Variants in ESRRG observed in about 807,000 individuals in gnomAD.
The protein encoded by ESRRG is estrogen-related receptor gamma.
A neutral mutation model predicts 44.0 loss-of-function variants in ESRRG; 13 were observed. That is an observed-to-expected ratio of 0.30 (90% CI 0.19 to 0.47). The LOEUF (loss-of-function observed/expected upper bound fraction) is 0.47. ESRRG is among the 20% of genes least tolerant of loss of function. The pLI is 1.00. For missense variants in ESRRG, 395 were observed against 580.6 expected (o/e 0.68, Z 3.29); for synonymous variants, 215 against 214.6 (o/e 1.00, Z -0.02).
intron 1 of ESRRG, among the ~76,000 whole-genome samples, chr1:216,957,840 G>C (rs960513614): frequency 6.6e-6 from 1 of 152,118 alleles, no homozygotes; most frequent in South Asian, 2.1e-4. Context: ...CAGATTTTAG[G>C]AGTAAAGTTT....
intron 4 of ESRRG, among the ~76,000 whole-genome samples, chr1:216,565,853 G>T (rs1448892637): frequency 6.6e-6 from 1 of 151,990 alleles, no homozygotes; most frequent in Non-Finnish European, 1.5e-5. Context: ...GTTATGCTTG[G>T]AAAAGTTTCA....
intron 1 of ESRRG, among the ~76,000 whole-genome samples, chr1:217,009,683 T>C (rs2150765703): frequency 6.6e-6 from 1 of 151,286 alleles, no homozygotes; most frequent in East Asian, 1.9e-4. Context: ...CCATTGAGTA[T>C]AGTTTCCTTT....
chr1:216,564,588 G>T (rs1161263764), intron 4 of ESRRG, among the ~76,000 whole-genome samples: 2 of 147,266 alleles, frequency 1.4e-5, no homozygotes, highest in Admixed American at 1.3e-4. Flanking sequence ...ATAGAATGTA[G>T]TCTTTTTTTT....
chr1:216,827,162 G>A (rs1043146036), intron 2 of ESRRG, among the ~76,000 whole-genome samples: 1 of 151,930 alleles, frequency 6.6e-6, no homozygotes, highest in African/African-American at 2.4e-5. Flanking sequence ...TTCTTCTCCA[G>A]GTTTTTTATT....
chr1:216,883,569 A>G (rs2096479611), intron 2 of ESRRG, among the ~76,000 whole-genome samples: 1 of 152,042 alleles, frequency 6.6e-6, no homozygotes, highest in Non-Finnish European at 1.5e-5. Context: ...AGGAGTAGAC[A>G]AAAAGGTAAA....
At chr1:216,614,767 T>G in intron 3 of ESRRG, among the ~76,000 whole-genome samples, 1 of 152,228 alleles carries the variant, frequency 6.6e-6, no homozygotes, top group African/African-American at 2.4e-5. Context: ...AAATGACTCA[T>G]GAAACATATT....
intron 3 of ESRRG, among the ~76,000 whole-genome samples, chr1:216,568,792 C>T (rs1391222460): frequency 6.6e-6 from 1 of 152,140 alleles, no homozygotes; most frequent in Non-Finnish European, 1.5e-5. Context: ...GTGGCTCACG[C>T]CTGTATAATA....
chr1:216,589,316 G>A (rs576703033), intron 3 of ESRRG, among the ~76,000 whole-genome samples: 3 of 152,282 alleles, frequency 2.0e-5, no homozygotes, highest in Non-Finnish European at 4.4e-5. Context: ...AGCTTTGAAT[G>A]TGGCCCAACA....
intron 2 of ESRRG, among the ~76,000 whole-genome samples, chr1:216,907,915 A>G (rs1306113309): frequency 6.6e-6 from 1 of 152,172 alleles, no homozygotes; most frequent in Non-Finnish European, 1.5e-5. Flanking sequence ...ATGTTAAAAC[A>G]TATTCCACAG....
At chr1:216,753,886 C>G (rs1315663928) in intron 2 of ESRRG, among the ~76,000 whole-genome samples, 1 of 151,974 alleles carries the variant, frequency 6.6e-6, no homozygotes, top group Non-Finnish European at 1.5e-5. Flanking sequence ...TCTACATTTT[C>G]TTCAGAGCAG....
chr1:216,692,492 G>A (rs1447659444), intron 1 of ESRRG, among the ~76,000 whole-genome samples: 1 of 152,128 alleles, frequency 6.6e-6, no homozygotes, highest in Non-Finnish European at 1.5e-5. Context: ...GAGTCAAAAA[G>A]TTGTTTAACA....
At chr1:216,674,964 T>C (rs1396741228) in intron 2 of ESRRG, among the ~76,000 whole-genome samples, 1 of 152,052 alleles carries the variant, frequency 6.6e-6, no homozygotes, top group Non-Finnish European at 1.5e-5. Context: ...GGAAGTTATG[T>C]AACAGACAAC....
chr1:216,735,987 A>AATATATAT, intron 2 of ESRRG, among the ~76,000 whole-genome samples: 1 of 137,120 alleles, frequency 7.3e-6, no homozygotes, highest in African/African-American at 2.7e-5. Flanking sequence ...CTCAAAAAAA[A>AATATATAT]ATATATATAT....
chr1:216,746,487 G>A (rs916253893), intron 2 of ESRRG, among the ~76,000 whole-genome samples: 1 of 152,088 alleles, frequency 6.6e-6, no homozygotes, highest in East Asian at 1.9e-4. Flanking sequence ...AATAACAGAA[G>A]TTACCAAAGC....
chr1:216,774,798 C>CTCTTTTTTTTTTTTT (rs778887121), intron 2 of ESRRG, among the ~76,000 whole-genome samples: 1 of 110,850 alleles, frequency 9.0e-6, no homozygotes, highest in African/African-American at 3.7e-5. Flanking sequence ...ATAATTTCTT[C>CTCTTTTTTTTTTTTT]TTTTTTTTTT....
chr1:216,990,425 T>C (rs951384328), intron 1 of ESRRG, among the ~76,000 whole-genome samples: 1 of 152,212 alleles, frequency 6.6e-6, no homozygotes, highest in African/African-American at 2.4e-5. Flanking sequence ...ATTTGGTGCA[T>C]AGTACCTTTT....
intron 5 of ESRRG, among the ~76,000 whole-genome samples, chr1:216,554,676 T>C (rs749815536): frequency 1.3e-5 from 2 of 152,070 alleles, no homozygotes; most frequent in Non-Finnish European, 2.9e-5. Flanking sequence ...ATATGGATAG[T>C]TGGGGTCACT....
chr1:216,697,556 A>G (rs1268438699), intron 1 of ESRRG, among the ~76,000 whole-genome samples: 2 of 152,348 alleles, frequency 1.3e-5, no homozygotes, highest in South Asian at 2.1e-4. Context: ...CAGATCTTCT[A>G]TGAGTATCTT....
At chr1:216,905,907 C>T (rs1300873981) in intron 2 of ESRRG, among the ~76,000 whole-genome samples, 4 of 152,080 alleles carry the variant, frequency 2.6e-5, no homozygotes, top group Admixed American at 1.3e-4. Flanking sequence ...CATGCCACTA[C>T]GCCCTGCTAA....
Sources: gnomAD v4.1 joint callset for allele counts (sites outside exome capture counted in the v4.1 genomes callset) on GRCh38, gnomAD v4.1.1 for gene constraint, MANE v1.5 for transcripts, NCBI Gene and HGNC (gene_info 2026-07-23, HGNC 2026-07-21) for gene names.